FAM120C: variants seen among roughly 807,000 people sequenced by gnomAD.
FAM120C encodes the protein family with sequence similarity 120 member C.
Under a neutral mutation model 71.2 loss-of-function variants are expected in FAM120C, and 14 were observed. The ratio of observed to expected loss-of-function variants is 0.20; its 90% confidence interval spans 0.13 to 0.31. The LOEUF (loss-of-function observed/expected upper bound fraction) is 0.31. Among genes scored for constraint, FAM120C ranks in the 10% least tolerant of loss-of-function variants. The pLI is 1.00. For missense variants in FAM120C, 500 were observed against 879.0 expected, an observed-to-expected ratio of 0.57 and a Z score of 5.45; for synonymous variants, 354 against 353.2, an observed-to-expected ratio of 1.00 and a Z score of -0.03.
intron 15 of FAM120C, among the ~76,000 whole-genome samples, chrX:54,074,586 TTTTG>T (rs2066726195): frequency 8.9e-6 from 1 of 112,284 alleles, no homozygotes; most frequent in South Asian, 3.7e-4. Context: ...GCCCGGCTAA[TTTTG>T]TTTTTTAGTA....
In FAM120C at chrX:54,117,241, G is replaced by A. The variant is rs782307160; in HGVS notation, c.2063-447C>T. The stretch of plus-strand genomic sequence containing the variant: ...GGGTGTGGTGGCATGCGCTGCCAGC[G>A]ACTTGGAAGGCTGAGGCAGGAGTAT... On this transcript the variant is annotated intron_variant, in intron 9 of 15. Transcript: ENST00000375180. Among the ~76,000 whole-genome samples, 4 of 106,736 alleles carry A rather than the reference G, an allele frequency of 3.7e-5. No individual in the cohort carries two copies. In the East Asian group the frequency reaches 1.2e-3, roughly 31 times the overall value. 92.7% of individuals were successfully genotyped at this position (106,736 alleles called of 115,157 possible).
At chrX:54,169,925 T>C (rs782680072) in intron 1 of FAM120C, among the ~76,000 whole-genome samples, 1 of 111,590 alleles carries the variant, frequency 9.0e-6, no homozygotes, top group East Asian at 2.8e-4. Context: ...ATTAAAAGAA[T>C]AGCAGCAATT....
At chrX:54,089,820 G>A (rs1367615124) in intron 11 of FAM120C, among the ~76,000 whole-genome samples, 1 of 109,868 alleles carries the variant, frequency 9.1e-6, no homozygotes, top group Non-Finnish European at 1.9e-5. Context: ...TTAACCAAGC[G>A]TGGTGGCGCA....
chrX:54,153,971 G>T (rs954337085), intron 3 of FAM120C, among the ~76,000 whole-genome samples: 29 of 109,354 alleles, frequency 2.7e-4, no homozygotes, highest in Admixed American at 5.0e-4. Context: ...AAAGTGCTGG[G>T]ATTACAGGTG....
At chrX:54,155,979 G>T (rs782449266) in intron 3 of FAM120C, among the ~76,000 whole-genome samples, 1 of 111,296 alleles carries the variant, frequency 9.0e-6, no homozygotes, top group East Asian at 2.8e-4. Context: ...TAAGTAGAGG[G>T]ATTTGCCTTA....
At chrX:54,109,390 G>A (rs1384519191) in intron 10 of FAM120C, among the ~76,000 whole-genome samples, 1 of 98,196 alleles carries the variant, frequency 1.0e-5, no homozygotes, top group Non-Finnish European at 2.0e-5. Flanking sequence ...GGAGGCCAAG[G>A]TGTGGGAGGA....
intron 13 of FAM120C, among the ~76,000 whole-genome samples, chrX:54,083,798 A>G (rs1290931566): frequency 5.4e-5 from 6 of 110,965 alleles, no homozygotes; most frequent in African/African-American, 1.6e-4. Context: ...GCTCACTGCA[A>G]TCCACCTCCC....
chrX:54,080,625 C>T (rs1043164830), intron 14 of FAM120C, among the ~76,000 whole-genome samples: 1 of 110,905 alleles, frequency 9.0e-6, no homozygotes, highest in Non-Finnish European at 1.9e-5. Context: ...TTTGGGAGAC[C>T]GAGGTGGGTG....
At position 54,182,581 on chromosome X, in the gene FAM120C, G is replaced by A. The variant is rs201525457; in HGVS notation, c.618C>T (p.Thr206=). 90 of 1,208,282 alleles carry A rather than the reference G, an allele frequency of 7.4e-5. No homozygotes were observed. Among genetic ancestry groups the A allele is most frequent in the Non-Finnish European group, 5.6e-6 (5 of 894,799 alleles). The change falls in exon 1 of 16, where the codon ACC becomes ACT. Residue 206 remains threonine (T), a synonymous_variant. Coordinates refer to ENST00000375180, the MANE Select transcript of FAM120C (RefSeq NM_017848.6). ...LIVGHVGNKG[T]PPPRAWFLPP... ...GCAGGAACCAGGCCCGCGGTGGAGG[G>A]GTGCCCTTGTTGCCCACGTGTCCCA...
At chrX:54,181,803 G>A (rs2067351457) in intron 1 of FAM120C, among the ~76,000 whole-genome samples, 1 of 112,307 alleles carries the variant, frequency 8.9e-6, no homozygotes, top group Non-Finnish European at 1.9e-5. Flanking sequence ...CATACACATT[G>A]CTATAATTAA....
In FAM120C at chrX:54,072,095, T is replaced by TACACACATTCATATATACACCCAC. The variant is rs2066712418; in HGVS notation, c.*914_*937dup. On this transcript the variant is annotated 3_prime_UTR_variant, in exon 16 of 16. Transcript: ENST00000375180. ...TATATAAAGGGTATGTGTATGCATA[T>TACACACATTCATATATACACCCAC]ACACACATTCATATATACACCCACC... 4 of 103,007 alleles carry TACACACATTCATATATACACCCAC rather than the reference T, an allele frequency of 3.9e-5. No homozygotes were observed. Among genetic ancestry groups the TACACACATTCATATATACACCCAC allele is most frequent in the Non-Finnish European group, 7.9e-5 (4 of 50,580 alleles). 8.5% of individuals were successfully genotyped at this position (103,007 alleles called of 1,213,427 possible).
At chrX:54,105,258 A>G (rs971641135) in intron 10 of FAM120C, among the ~76,000 whole-genome samples, 1 of 111,867 alleles carries the variant, frequency 8.9e-6, no homozygotes, top group Admixed American at 9.6e-5. Flanking sequence ...TTCAATATAC[A>G]CAAATCAATA....
In FAM120C at chrX:54,140,481, G is replaced by A. The variant is rs782142277; in HGVS notation, c.1159-3891C>T. On this transcript the variant is annotated intron_variant, in intron 4 of 15. Coordinates refer to ENST00000375180, the MANE Select transcript of FAM120C (RefSeq NM_017848.6). ...TAAAAATACAAAAAAGTAGCCAGGC[G>A]TGGTGGCGGACACCTGTAATCCCAG... Among the ~76,000 whole-genome samples the A allele has an allele frequency of 2.8e-5, 3 of 105,939 alleles. No homozygotes were observed. In the South Asian group the frequency reaches 1.3e-3, roughly 45 times the overall value. The allele number at this position is 105,939 out of a possible 115,157, so 92.0% of individuals were successfully genotyped here.
intron 10 of FAM120C, among the ~76,000 whole-genome samples, chrX:54,098,545 CATT>C (rs1446143586): frequency 1.8e-5 from 2 of 111,862 alleles, no homozygotes; most frequent in East Asian, 2.8e-4. Flanking sequence ...ACTGGTTTCT[CATT>C]GTTGTTATGA....
chrX:54,117,064 A>T (rs896969301), intron 9 of FAM120C, among the ~76,000 whole-genome samples: 2 of 111,134 alleles, frequency 1.8e-5, no homozygotes, highest in Non-Finnish European at 3.8e-5. Context: ...TTTTGCAGAT[A>T]AAGAAATCAA....
chrX:54,149,324 TAAAG>T (rs1302108569), intron 4 of FAM120C, among the ~76,000 whole-genome samples: 1 of 111,844 alleles, frequency 8.9e-6, no homozygotes, highest in Non-Finnish European at 1.9e-5. Flanking sequence ...TATGTTGAAT[TAAAG>T]AAGCCGTTCT....
intron 4 of FAM120C, among the ~76,000 whole-genome samples, chrX:54,137,232 C>T (rs1447381005): frequency 9.0e-6 from 1 of 111,526 alleles, no homozygotes. Flanking sequence ...GGATTACAGG[C>T]GTAAGCCACG....
intron 14 of FAM120C, 81 bp downstream of exon 14, chrX:54,081,241 T>G: frequency 1.0e-6 from 1 of 1,001,413 alleles, no homozygotes; most frequent in South Asian, 2.3e-5. Context: ...ATAGAAGGAT[T>G]TAATACCTAG....
Position 54,073,179 on chromosome X carries a change from G to T in FAM120C, c.3145C>A (p.Arg1049Ser). The T allele has an allele frequency of 8.3e-7, 1 of 1,211,182 alleles. No homozygotes were observed. The highest frequency in any genetic ancestry group is 1.1e-6 in the Non-Finnish European group (1 of 895,288). ...ALIKEEKSDH[R>S]LPAPSQCALS... ...GCACATTGTGATGGAGCTGGAAGAC[G>T]ATGATCACTCTTCTCTTCCTTGATC... Residue 1049 changes from arginine (R) to serine (S), a missense_variant, in exon 16 of 16, where the codon CGT becomes AGT. Arg to Ser is a moderately radical substitution (Grantham distance 110). Around this residue, in one of 11 missense-constraint regions of FAM120C, gnomAD observed 85 missense variants for 96.1 expected, o/e 0.88. Transcript: ENST00000375180.
Sources: gnomAD v4.1 joint callset for allele counts (sites outside exome capture counted in the v4.1 genomes callset) on GRCh38, gnomAD v4.1.1 for gene constraint, gnomAD v4.1.1 regional missense constraint, MANE v1.5 for transcripts, NCBI Gene and HGNC (gene_info 2026-07-23, HGNC 2026-07-21) for gene names.